The following RELL1 variants were observed in gnomAD, a reference collection of about 807,000 sequenced individuals.
RELL1 encodes RELT like 1, also known as RELT-like protein 1.
In RELL1, 10 loss-of-function variants were observed where a neutral mutation model predicts 23.0. That is an observed-to-expected ratio of 0.43 (90% CI 0.27 to 0.74). The LOEUF is 0.74. Ranked by LOEUF, RELL1 falls within the 30% of genes least tolerant of loss-of-function variation. RELL1 has a pLI of 0.19. For synonymous variants in RELL1, 146 were observed against 146.8 expected (o/e 0.99, Z 0.04); for missense variants, 315 against 364.4 (o/e 0.86, Z 1.10).
intron 6 of RELL1, among the ~76,000 whole-genome samples, chr4:37,604,269 C>T (rs1560323322): frequency 6.6e-6 from 1 of 152,158 alleles, no homozygotes; most frequent in Non-Finnish European, 1.5e-5. Flanking sequence ...CCCCATTCTA[C>T]ATTACACATG....
chr4:37,608,492 A>G (rs956081010), downstream of RELL1, among the ~76,000 whole-genome samples: 1 of 152,174 alleles, frequency 6.6e-6, no homozygotes, highest in Non-Finnish European at 1.5e-5. Flanking sequence ...CAGCCACAAC[A>G]TTCCCTTAAG....
Position 37,686,329 on chromosome 4 carries a change from C to G in RELL1, c.-42G>C, listed in dbSNP as rs765761675. The stretch of plus-strand genomic sequence containing the variant: ...CCTCCTCCCCCAGGGCGCCGCGTCC[C>G]GCGCTCGGGAAGGCAGAGCCGCTCC... On this transcript the variant is annotated 5_prime_UTR_variant, in exon 1 of 7. Coordinates refer to ENST00000454158, the MANE Select transcript of RELL1 (RefSeq NM_001085400.2). The G allele has an allele frequency of 4.9e-6, 7 of 1,439,160 alleles. No homozygotes were observed. Among genetic ancestry groups the G allele is most frequent in the Non-Finnish European group, 6.4e-6 (7 of 1,092,114 alleles). 89.1% of individuals were successfully genotyped at this position (1,439,160 alleles called of 1,614,324 possible). A position where few individuals can be genotyped will look rare whatever the true frequency, so the allele number is the denominator to read the frequency against.
At chr4:37,623,093 G>T in intron 6 of RELL1, 1 of 321,218 alleles carries the variant, frequency 3.1e-6, no homozygotes, top group South Asian at 2.4e-5. Flanking sequence ...GTGAGCCACC[G>T]CACCCGGCCA....
chr4:37,685,547 C>CA (rs1221670097), intron 1 of RELL1, among the ~76,000 whole-genome samples: 1 of 152,138 alleles, frequency 6.6e-6, no homozygotes, highest in African/African-American at 2.4e-5. Flanking sequence ...CCTGACCACA[C>CA]AAGGTTCCTT....
At chr4:37,642,005 CACA>C (rs1720546581) in intron 3 of RELL1, among the ~76,000 whole-genome samples, 1 of 152,162 alleles carries the variant, frequency 6.6e-6, no homozygotes. Context: ...CAGGCTTGGA[CACA>C]AACCCTGGTC....
downstream of RELL1, among the ~76,000 whole-genome samples, chr4:37,605,843 G>GAA (rs754179140): frequency 1.1e-5 from 1 of 87,428 alleles, no homozygotes; most frequent in African/African-American, 3.2e-5. Flanking sequence ...AAGAAAGAAA[G>GAA]AAGGAAAAGA....
chr4:37,660,924 G>C (rs536309228), intron 1 of RELL1, among the ~76,000 whole-genome samples: 2 of 151,904 alleles, frequency 1.3e-5, no homozygotes, highest in African/African-American at 4.8e-5. Context: ...CCAGCTACTC[G>C]GGAGGCTGAG....
chr4:37,635,167 A>G (rs1316662504), intron 4 of RELL1, 44 bp from the exon 5 acceptor site: 4 of 1,475,620 alleles, frequency 2.7e-6, no homozygotes, highest in Admixed American at 1.7e-5. Flanking sequence ...GTTAAAGGAA[A>G]TATCAGCGAA....
intron 1 of RELL1, among the ~76,000 whole-genome samples, chr4:37,653,286 T>C (rs1002501894): frequency 6.7e-6 from 1 of 149,750 alleles, no homozygotes; most frequent in African/African-American, 2.4e-5. Context: ...GATTCAGTAA[T>C]GTGAACATCT....
chr4:37,635,758 T>G (rs560729926), intron 4 of RELL1, among the ~76,000 whole-genome samples: 9 of 152,254 alleles, frequency 5.9e-5, no homozygotes, highest in Non-Finnish European at 1.2e-4. Context: ...TCCTTTCTCA[T>G]GCAATTATCC....
At chr4:37,674,103 G>T (rs765503014) in intron 1 of RELL1, among the ~76,000 whole-genome samples, 9 of 152,090 alleles carry the variant, frequency 5.9e-5, no homozygotes, top group Admixed American at 3.3e-4. Context: ...CCCTCCCTTT[G>T]ATCCCACACA....
chr4:37,617,515 G>T (rs542110875), intron 6 of RELL1, among the ~76,000 whole-genome samples: 1 of 152,344 alleles, frequency 6.6e-6, no homozygotes, highest in South Asian at 2.1e-4. Flanking sequence ...AGGCATGGTA[G>T]CTCATGCCTA....
downstream of RELL1, chr4:37,588,763 C>T: frequency 1.0e-6 from 1 of 982,156 alleles, no homozygotes; most frequent in South Asian, 1.3e-5. Context: ...CATTTTGAGT[C>T]TCTAGGGAAA....
At chr4:37,638,220 G>A (rs931048733) in intron 4 of RELL1, among the ~76,000 whole-genome samples, 3 of 152,190 alleles carry the variant, frequency 2.0e-5, no homozygotes, top group African/African-American at 4.8e-5. Flanking sequence ...CCTTGGGAGG[G>A]TGGGGGCAGG....
downstream of RELL1, chr4:37,590,039 G>A: frequency 7.4e-7 from 1 of 1,343,490 alleles, no homozygotes; most frequent in South Asian, 1.4e-5. Context: ...GTGGTAAAAA[G>A]CATTAATGAT....
intron 1 of RELL1, among the ~76,000 whole-genome samples, chr4:37,670,038 AAAAT>A (rs1473606599): frequency 1.3e-5 from 2 of 150,338 alleles, no homozygotes; most frequent in Admixed American, 6.6e-5. Flanking sequence ...GATCAATAAA[AAAAT>A]AAATAAATAA....
intron 1 of RELL1, among the ~76,000 whole-genome samples, chr4:37,673,638 G>A (rs951274084): frequency 6.6e-6 from 1 of 152,140 alleles, no homozygotes; most frequent in Non-Finnish European, 1.5e-5. Flanking sequence ...ACAAAGGACT[G>A]TATTATGTTT....
chr4:37,615,631 C>T (rs1719550214), intron 6 of RELL1, among the ~76,000 whole-genome samples: 1 of 152,214 alleles, frequency 6.6e-6, no homozygotes. Context: ...CCTGGCCTAT[C>T]TCTCTTCGGG....
At chr4:37,668,892 T>C (rs1389506657) in intron 1 of RELL1, among the ~76,000 whole-genome samples, 2 of 145,600 alleles carry the variant, frequency 1.4e-5, no homozygotes, top group Non-Finnish European at 3.0e-5. Context: ...GTGAGGAGCG[T>C]CTCTGCCCGG....
Sources: gnomAD v4.1 joint callset for allele counts (sites outside exome capture counted in the v4.1 genomes callset) on GRCh38, gnomAD v4.1.1 for gene constraint, MANE v1.5 for transcripts, NCBI Gene and HGNC (gene_info 2026-07-23, HGNC 2026-07-21) for gene names.